The following RBFOX1 variants were observed in gnomAD, a reference collection of about 807,000 sequenced individuals.
RBFOX1 encodes the protein RNA binding protein fox-1 homolog 1.
A neutral mutation model predicts 57.7 loss-of-function variants in RBFOX1; 8 were observed. That is an observed-to-expected ratio of 0.14 (90% confidence interval 0.08 to 0.25). RBFOX1 has a LOEUF of 0.25. RBFOX1 is among the 10% of genes least tolerant of loss of function. The pLI, the probability that RBFOX1 is intolerant of heterozygous loss-of-function variation, is 1.00. For synonymous variants in RBFOX1, 326 were observed against 222.4 expected (o/e 1.47, Z -4.15); for missense variants, 611 against 548.5 (o/e 1.11, Z -1.14).
exon 4 of RBFOX1, chr16:5,867,323 A>C: frequency 8.3e-7 from 1 of 1,210,524 alleles, no homozygotes; most frequent in Non-Finnish European, 1.0e-6. Flanking sequence ...GTCAGGCTAC[A>C]GGCAAAGCTG....
intron 2 of RBFOX1, among the ~76,000 whole-genome samples, chr16:5,550,733 G>T (rs191414010): frequency 1.3e-5 from 2 of 152,248 alleles, no homozygotes; most frequent in East Asian, 3.9e-4. Context: ...GATAAATGAG[G>T]TGTTATTTTT....
At chr16:6,403,857 G>A (rs2093174605) in intron 2 of RBFOX1, among the ~76,000 whole-genome samples, 1 of 152,164 alleles carries the variant, frequency 6.6e-6, no homozygotes, top group African/African-American at 2.4e-5. Flanking sequence ...GATAATTAAG[G>A]TCCAATGAGA....
intron 3 of RBFOX1, among the ~76,000 whole-genome samples, chr16:6,768,945 T>G (rs947359066): frequency 1.3e-5 from 2 of 152,046 alleles, no homozygotes; most frequent in Non-Finnish European, 2.9e-5. Flanking sequence ...GCCAGGCTGG[T>G]CTCAAACTCC....
intron 3 of RBFOX1, among the ~76,000 whole-genome samples, chr16:5,608,580 A>T (rs1048690764): frequency 2.0e-5 from 3 of 152,208 alleles, no homozygotes; most frequent in African/African-American, 7.2e-5. Context: ...GGATTCAACG[A>T]GTTAATATAG....
chr16:6,191,134 T>G (rs1263029828), intron 1 of RBFOX1, among the ~76,000 whole-genome samples: 1 of 151,842 alleles, frequency 6.6e-6, no homozygotes, highest in Non-Finnish European at 1.5e-5. Flanking sequence ...CTGTGGTTTT[T>G]TTTTTTTTTT....
Position 6,562,880 on chromosome 16 carries a change from CTTTT to C in RBFOX1, c.-63-91708_-63-91705del, listed in dbSNP as rs71145250. On this transcript the variant is annotated intron_variant, in intron 2 of 15. Transcript: ENST00000550418. Reference sequence around the variant, plus strand: ...TCTTTCTTTCTTTCTTTCTTTCTTTCTTTTTTTTTTTTTTTTTTGCATAGTTGTT... The same window carrying C: ...TCTTTCTTTCTTTCTTTCTTTCTTTCTTTTTTTTTTTTTTGCATAGTTGTT... Among the ~76,000 whole-genome samples the C allele has an allele frequency of 7.3e-4, 38 of 51,774 alleles. 2 individuals are homozygous for C. Among genetic ancestry groups the C allele is most frequent in the African/African-American group, 2.1e-3 (36 of 17,194 alleles). 34.0% of individuals were successfully genotyped at this position (51,774 alleles called of 152,430 possible).
intron 3 of RBFOX1, among the ~76,000 whole-genome samples, chr16:6,945,322 G>A (rs2079285010): frequency 6.6e-6 from 1 of 152,164 alleles, no homozygotes; most frequent in African/African-American, 2.4e-5. Flanking sequence ...AAACGCAGAT[G>A]CTTACCTAGG....
At chr16:6,803,191 G>A (rs907642192) in intron 3 of RBFOX1, among the ~76,000 whole-genome samples, 1 of 151,958 alleles carries the variant, frequency 6.6e-6, no homozygotes, top group Non-Finnish European at 1.5e-5. Context: ...CCAAATGATT[G>A]AAAATAGTCG....
At chr16:5,503,711 T>C (rs781280299) in intron 2 of RBFOX1, among the ~76,000 whole-genome samples, 6 of 152,178 alleles carry the variant, frequency 3.9e-5, no homozygotes, top group Non-Finnish European at 7.3e-5. Flanking sequence ...CCCAAAGTGC[T>C]GGTATTACAA....
chr16:7,310,009 C>T lies in RBFOX1; in HGVS notation c.28-208138C>T, dbSNP rs192575274. Among the ~76,000 whole-genome samples the T allele has an allele frequency of 1.6e-3, 247 of 152,312 alleles. 1 individual carries two copies. The highest frequency in any genetic ancestry group is 5.8e-3 in the African/African-American group (241 of 41,576). On this transcript the variant is annotated intron_variant, in intron 4 of 15. Coordinates refer to ENST00000550418, the MANE Select transcript of RBFOX1 (RefSeq NM_018723.4). Reference sequence around the variant, plus strand: ...CGGGTGCTGCCCAAGAGAACTCTGCCGGGCTGAGCGTTGGCCCGTGGCTGT... The same window carrying T: ...CGGGTGCTGCCCAAGAGAACTCTGCTGGGCTGAGCGTTGGCCCGTGGCTGT...
At position 7,512,230 on chromosome 16, in the gene RBFOX1, G is replaced by A. The variant is rs139234898; in HGVS notation, c.28-5917G>A. Among the ~76,000 whole-genome samples, 325 of 152,300 alleles carry A rather than the reference G, an allele frequency of 2.1e-3. 2 individuals are homozygous for A. Among genetic ancestry groups the A allele is most frequent in the African/African-American group, 7.3e-3 (305 of 41,578 alleles). On this transcript the variant is annotated intron_variant, in intron 4 of 15. Coordinates refer to ENST00000550418, the MANE Select transcript of RBFOX1 (RefSeq NM_018723.4). ...TGTCCCCTACATGAAGTTGGCTTCAGCTTCCAACCCAGGAGCCTGTTCGCG... is the reference window on the plus strand; with the variant it reads ...TGTCCCCTACATGAAGTTGGCTTCAACTTCCAACCCAGGAGCCTGTTCGCG...
At chr16:5,905,052 A>G (rs2058419710) in intron 4 of RBFOX1, among the ~76,000 whole-genome samples, 1 of 143,696 alleles carries the variant, frequency 7.0e-6, no homozygotes, top group Non-Finnish European at 1.5e-5. Flanking sequence ...ATATGACTCC[A>G]TATGACTGGT....
At chr16:6,846,799 T>C (rs1444661726) in intron 3 of RBFOX1, among the ~76,000 whole-genome samples, 3 of 152,104 alleles carry the variant, frequency 2.0e-5, no homozygotes, top group African/African-American at 7.2e-5. Flanking sequence ...TTTTTATTTA[T>C]TCATTTGTAA....
chr16:7,259,684 C>T (rs1264554810), intron 4 of RBFOX1, among the ~76,000 whole-genome samples: 6 of 152,098 alleles, frequency 3.9e-5, no homozygotes, highest in Non-Finnish European at 7.4e-5. Flanking sequence ...TGAGAGGTGA[C>T]TGTTTTCTGA....
intron 3 of RBFOX1, among the ~76,000 whole-genome samples, chr16:6,794,274 T>C (rs953905317): frequency 1.5e-5 from 2 of 132,948 alleles, no homozygotes; most frequent in Non-Finnish European, 3.1e-5. Context: ...TGTTTTCTTG[T>C]TCGTGATTTT....
chr16:5,793,965 T>C (rs565231068), intron 3 of RBFOX1, among the ~76,000 whole-genome samples: 97 of 152,332 alleles, frequency 6.4e-4, no homozygotes, highest in African/African-American at 2.3e-3. Flanking sequence ...AGAGTTAATA[T>C]GTAAAATCAT....
At chr16:7,079,915 G>C (rs1294569985) in intron 4 of RBFOX1, among the ~76,000 whole-genome samples, 1 of 151,712 alleles carries the variant, frequency 6.6e-6, no homozygotes, top group African/African-American at 2.4e-5. Context: ...GTGGGTGGAT[G>C]GTGGTGATGG....
At chr16:7,657,904 C>G (rs542839559) in intron 12 of RBFOX1, among the ~76,000 whole-genome samples, 14 of 152,270 alleles carry the variant, frequency 9.2e-5, no homozygotes, top group Admixed American at 2.0e-4. Flanking sequence ...TCTACATAGC[C>G]TATGGAATTT....
At chr16:7,085,488 G>A (rs1178928601) in intron 4 of RBFOX1, among the ~76,000 whole-genome samples, 3 of 152,286 alleles carry the variant, frequency 2.0e-5, no homozygotes, top group South Asian at 4.1e-4. Flanking sequence ...TTGCTGGCAT[G>A]GATTTGACCG....
Sources: gnomAD v4.1 joint callset for allele counts (sites outside exome capture counted in the v4.1 genomes callset) on GRCh38, gnomAD v4.1.1 for gene constraint, MANE v1.5 for transcripts, NCBI Gene and HGNC (gene_info 2026-07-23, HGNC 2026-07-21) for gene names.